FEZ1: variants seen among roughly 807,000 people sequenced by gnomAD.
The protein encoded by FEZ1 is fasciculation and elongation protein zeta 1, also known as fasciculation and elongation protein zeta-1.
A neutral mutation model predicts 49.3 loss-of-function variants in FEZ1; 20 were observed. The observed-to-expected ratio is 0.41, with a 90% CI of 0.29 to 0.59. FEZ1 has a LOEUF of 0.59. FEZ1 is among the 20% of genes least tolerant of loss of function. FEZ1 has a pLI of 0.36. For synonymous variants in FEZ1, 170 were observed against 180.9 expected, an observed-to-expected ratio of 0.94 and a Z score of 0.48; for missense variants, 413 against 476.0, an observed-to-expected ratio of 0.87 and a Z score of 1.23.
rs1318798858 is a variant in FEZ1, at chr11:125,445,295, A to G, written c.*800T>C. ...AAGTTGCAGTCCCCTACGTTGGGAAAGCTCAGCAGAGCTGACTTCCCGCAG... is the reference window on the plus strand; with the variant it reads ...AAGTTGCAGTCCCCTACGTTGGGAAGGCTCAGCAGAGCTGACTTCCCGCAG... On this transcript the variant is annotated 3_prime_UTR_variant, in exon 10 of 10. Transcript: ENST00000278919. This position sits in a 1 kb window ranked among gnomAD's most constrained non-coding sequence, Gnocchi z 4.4. Among the ~76,000 whole-genome samples, 1 of 152,204 alleles carries G rather than the reference A, an allele frequency of 6.6e-6. No individual in the cohort carries two copies. The highest frequency in any genetic ancestry group is 1.5e-5 in the Non-Finnish European group (1 of 68,040).
At chr11:125,466,030 C>T (rs1178394230) in intron 3 of FEZ1, among the ~76,000 whole-genome samples, 1 of 152,170 alleles carries the variant, frequency 6.6e-6, no homozygotes, top group African/African-American at 2.4e-5. Flanking sequence ...AAATGACAGC[C>T]CTTGTGCATA....
At chr11:125,455,079 A>T (rs1438656509) in intron 6 of FEZ1, among the ~76,000 whole-genome samples, 1 of 151,622 alleles carries the variant, frequency 6.6e-6, no homozygotes, top group Non-Finnish European at 1.5e-5. Context: ...TAAACCCAAA[A>T]ATAGAACAAT....
At chr11:125,487,659 C>T (rs939787943) in intron 2 of FEZ1, among the ~76,000 whole-genome samples, 21 of 152,216 alleles carry the variant, frequency 1.4e-4, no homozygotes, top group African/African-American at 3.6e-4. Context: ...TCATACCTTC[C>T]GGCCAGCATT....
At chr11:125,494,751 C>A (rs1957440521) in intron 1 of FEZ1, among the ~76,000 whole-genome samples, 1 of 152,192 alleles carries the variant, frequency 6.6e-6, no homozygotes, top group African/African-American at 2.4e-5. Context: ...AACGCATAAA[C>A]GTCTCCCTGC....
At chr11:125,467,369 C>A (rs1275688199) in intron 3 of FEZ1, among the ~76,000 whole-genome samples, 2 of 152,158 alleles carry the variant, frequency 1.3e-5, no homozygotes, top group African/African-American at 2.4e-5. Context: ...TATGAACAAC[C>A]AGGAAACATC....
At chr11:125,488,566 G>C (rs1191854427) in intron 2 of FEZ1, 2 of 194,184 alleles carry the variant, frequency 1.0e-5, no homozygotes, top group African/African-American at 2.4e-5. Flanking sequence ...TGTAGTCCCA[G>C]CTACTCAGGA....
intron 1 of FEZ1, among the ~76,000 whole-genome samples, chr11:125,493,163 C>T (rs903267801): frequency 7.0e-5 from 10 of 143,474 alleles, no homozygotes; most frequent in African/African-American, 2.7e-4. Context: ...CCTGTCTCTA[C>T]TAAAAATACA....
chr11:125,471,771 G>T (rs1957184896), intron 3 of FEZ1, among the ~76,000 whole-genome samples: 2 of 152,184 alleles, frequency 1.3e-5, no homozygotes, highest in East Asian at 3.9e-4. Context: ...AGTTAACCTG[G>T]TTGACATTTA....
chr11:125,473,448 CCAACCTGGGAAACAG>C (rs1957200508), intron 3 of FEZ1, among the ~76,000 whole-genome samples: 1 of 152,100 alleles, frequency 6.6e-6, no homozygotes, highest in Non-Finnish European at 1.5e-5. Flanking sequence ...GAGCTCAAGA[CCAACCTGGGAAACAG>C]CAACCTGGGA....
chr11:125,465,123 G>A (rs181922443), intron 3 of FEZ1, among the ~76,000 whole-genome samples: 2 of 152,284 alleles, frequency 1.3e-5, no homozygotes, highest in South Asian at 2.1e-4. Context: ...AAGTTAGTGT[G>A]AGCCCAAGTT....
chr11:125,457,945 C>T (rs1009317240), intron 5 of FEZ1, among the ~76,000 whole-genome samples: 3 of 152,154 alleles, frequency 2.0e-5, no homozygotes, highest in South Asian at 2.1e-4. Context: ...GCCCTCTCCC[C>T]CTTCTGTTTT....
At chr11:125,493,370 G>GAAAGAGAGA (rs1957405326) in intron 1 of FEZ1, among the ~76,000 whole-genome samples, 1 of 32,990 alleles carries the variant, frequency 3.0e-5, no homozygotes. Flanking sequence ...AGAAAAGAAA[G>GAAAGAGAGA]AAAGAAAGAA....
In FEZ1 at chr11:125,482,688, G is replaced by A. The variant is rs569327622; in HGVS notation, c.312-1055C>T. Among the ~76,000 whole-genome samples the A allele has an allele frequency of 3.9e-5, 6 of 152,150 alleles. No individual in the cohort carries two copies. In the South Asian group the frequency reaches 1.0e-3, roughly 26 times the overall value. On this transcript the variant is annotated intron_variant, in intron 2 of 9. Transcript: ENST00000278919. ...ACCTGAATTAATATTAATGAGGCCG[G>A]GCGCGATGGCTCACGCCTGAAATCC...
At chr11:125,487,150 A>C (rs1028083734) in intron 2 of FEZ1, among the ~76,000 whole-genome samples, 32 of 152,234 alleles carry the variant, frequency 2.1e-4, no homozygotes, top group Non-Finnish European at 3.7e-4. Context: ...GAAGACAGTA[A>C]GAATCTGCTC....
At chr11:125,457,404 A>T (rs1234316753) in intron 5 of FEZ1, among the ~76,000 whole-genome samples, 6 of 28,038 alleles carry the variant, frequency 2.1e-4, no homozygotes, top group African/African-American at 5.7e-4. Context: ...TTTCTACTTT[A>T]AAAAAAAAAA....
intron 3 of FEZ1, among the ~76,000 whole-genome samples, chr11:125,471,615 T>C (rs761727968): frequency 1.1e-4 from 16 of 151,964 alleles, no homozygotes; most frequent in Non-Finnish European, 1.9e-4. Flanking sequence ...TCAAAATATA[T>C]AAAACAAAAA....
At position 125,495,811 on chromosome 11, in the gene FEZ1, C is replaced by CGG. The variant is rs1346270603; in HGVS notation, c.-46+309_-46+310insCC. On this transcript the variant is annotated intron_variant, in intron 1 of 9. Transcript: ENST00000278919. This position sits in a 1 kb window ranked among gnomAD's most constrained non-coding sequence, Gnocchi z 4.2. The stretch of plus-strand genomic sequence containing the variant: ...GCACACACACGCGGACACACACACA[C>CGG]ACACACACACACACACACACACACC... 7 of 216,062 alleles carry CGG rather than the reference C, an allele frequency of 3.2e-5. No homozygotes were observed. The highest frequency in any genetic ancestry group is 2.3e-4 in the African/African-American group (7 of 30,554). The allele number at this position is 216,062 out of a possible 1,614,324, so 13.4% of individuals were successfully genotyped here.
intron 1 of FEZ1, among the ~76,000 whole-genome samples, chr11:125,494,201 C>T (rs764344144): frequency 6.6e-6 from 1 of 152,236 alleles, no homozygotes; most frequent in Admixed American, 6.5e-5. Flanking sequence ...AACACCCAAA[C>T]TGAATCCAGC....
At chr11:125,461,427 C>T (rs569137063) in intron 4 of FEZ1, among the ~76,000 whole-genome samples, 139 of 152,142 alleles carry the variant, frequency 9.1e-4, no homozygotes, top group Non-Finnish European at 1.7e-3. Flanking sequence ...AGCAACATGG[C>T]GAAACCCCAT....
Sources: allele counts gnomAD v4.1 joint callset (sites outside exome capture counted in the v4.1 genomes callset), GRCh38; gene constraint gnomAD v4.1.1; non-coding constraint Gnocchi (gnomAD v3.1); transcripts MANE v1.5; gene names NCBI Gene and HGNC (gene_info 2026-07-23, HGNC 2026-07-21).